Variants in XKR9 observed in about 807,000 individuals in gnomAD.
XKR9 encodes the protein XK-related protein 9.
In XKR9, 32 loss-of-function variants were observed where a neutral mutation model predicts 32.0. That is an observed-to-expected ratio of 1.00 (90% CI 0.76 to 1.34). XKR9 has a LOEUF of 1.34. XKR9 is among the 40% of genes most tolerant of loss of function. The probability of loss-of-function intolerance (pLI) is 0.00; values close to 1 mark genes in which losing one functional copy is unlikely to be tolerated. For synonymous variants in XKR9, 168 were observed against 143.4 expected, an observed-to-expected ratio of 1.17 and a Z score of -1.22; for missense variants, 546 against 429.7, an observed-to-expected ratio of 1.27 and a Z score of -2.39.
At chr8:70,954,730 A>G in the XKR9 span, among the ~76,000 whole-genome samples, 13 of 152,188 alleles carry the variant, frequency 8.5e-5, no homozygotes, top group Non-Finnish European at 2.9e-5. Flanking sequence ...TTATATTCAC[A>G]TGCCAAATCC....
At chr8:70,877,965 G>A in the XKR9 span, among the ~76,000 whole-genome samples, 1 of 152,200 alleles carries the variant, frequency 6.6e-6, no homozygotes, top group South Asian at 2.1e-4. Context: ...GGATCTCTCA[G>A]AAGAAACCCT....
chr8:70,806,919 C>A, the XKR9 span, among the ~76,000 whole-genome samples: 2 of 151,976 alleles, frequency 1.3e-5, no homozygotes, highest in African/African-American at 4.8e-5. Flanking sequence ...ACAGAGAACA[C>A]CACTAAAATA....
the XKR9 span, among the ~76,000 whole-genome samples, chr8:70,882,924 G>A: frequency 2.0e-5 from 3 of 149,100 alleles, no homozygotes; most frequent in Non-Finnish European, 2.9e-5. Flanking sequence ...CTAGTTAGCT[G>A]TCTTATTCTC....
At chr8:71,062,057 G>A in the XKR9 span, among the ~76,000 whole-genome samples, 597 of 152,298 alleles carry the variant, frequency 3.9e-3, 5 homozygotes, top group Middle Eastern at 0.048. Flanking sequence ...GAATCCAACC[G>A]GAACCAGTCC....
At chr8:71,045,763 C>T in the XKR9 span, among the ~76,000 whole-genome samples, 2 of 152,194 alleles carry the variant, frequency 1.3e-5, no homozygotes, top group Admixed American at 6.5e-5. Context: ...ACGCTTGAGA[C>T]TGTGACAATT....
chr8:70,887,739 G>A, the XKR9 span, among the ~76,000 whole-genome samples: 2 of 151,982 alleles, frequency 1.3e-5, no homozygotes, highest in African/African-American at 4.8e-5. Flanking sequence ...TGTTTTTGGT[G>A]TATAGAAATG....
At chr8:70,794,416 C>A (rs1056670007), downstream of XKR9, among the ~76,000 whole-genome samples, 2 of 152,048 alleles carry the variant, frequency 1.3e-5, no homozygotes, top group African/African-American at 4.8e-5. Context: ...GAATTAGCAT[C>A]CTTCTCTTAC....
downstream of XKR9, among the ~76,000 whole-genome samples, chr8:70,738,766 G>C (rs1346813818): frequency 6.6e-6 from 1 of 152,194 alleles, no homozygotes; most frequent in Non-Finnish European, 1.5e-5. Flanking sequence ...CAGTTTCCGT[G>C]TAGTTGAGTG....
chr8:70,763,309 A>G (rs1022896978), intron 2 of XKR9, among the ~76,000 whole-genome samples: 2 of 152,166 alleles, frequency 1.3e-5, no homozygotes, highest in Non-Finnish European at 2.9e-5. Context: ...TTGCTTACTT[A>G]GTTCACATGT....
the XKR9 span, among the ~76,000 whole-genome samples, chr8:70,924,323 G>C: frequency 1.3e-5 from 2 of 152,058 alleles, no homozygotes; most frequent in Admixed American, 1.3e-4. Context: ...TGGCTGTTCC[G>C]AGCTCAGTCC....
the XKR9 span, among the ~76,000 whole-genome samples, chr8:70,811,745 A>C: frequency 6.6e-6 from 1 of 152,242 alleles, no homozygotes; most frequent in Admixed American, 6.5e-5. Context: ...AACCAGGAAG[A>C]AGTTGAATCT....
the XKR9 span, among the ~76,000 whole-genome samples, chr8:71,055,768 C>T: frequency 6.6e-6 from 1 of 152,048 alleles, no homozygotes; most frequent in East Asian, 1.9e-4. Context: ...AGTTTGGGGG[C>T]CCATCTTCAC....
chr8:70,932,081 C>A, the XKR9 span, among the ~76,000 whole-genome samples: 2 of 152,016 alleles, frequency 1.3e-5, no homozygotes, highest in Non-Finnish European at 2.9e-5. Flanking sequence ...TGAGGACTTC[C>A]TATGTGCAAA....
the XKR9 span, among the ~76,000 whole-genome samples, chr8:70,900,579 ACT>A: frequency 6.6e-6 from 1 of 151,978 alleles, no homozygotes; most frequent in East Asian, 1.9e-4. Context: ...AAAGAGTGAG[ACT>A]CTGTCTAAAA....
At chr8:71,024,437 T>C in the XKR9 span, among the ~76,000 whole-genome samples, 3 of 152,074 alleles carry the variant, frequency 2.0e-5, no homozygotes, top group Admixed American at 6.5e-5. Context: ...GGGGATGTCA[T>C]TGGGGCTTCA....
the XKR9 span, among the ~76,000 whole-genome samples, chr8:70,805,003 T>C: frequency 1.4e-3 from 217 of 152,292 alleles, 2 homozygotes; most frequent in African/African-American, 5.1e-3. Flanking sequence ...GATCGCAGAC[T>C]AGAAACAGTG....
the XKR9 span, among the ~76,000 whole-genome samples, chr8:70,910,965 G>A: frequency 6.6e-6 from 1 of 152,188 alleles, no homozygotes; most frequent in Admixed American, 6.5e-5. Context: ...CAGCACCTAG[G>A]GTCTGCTTAC....
At chr8:70,829,160 T>C in the XKR9 span, among the ~76,000 whole-genome samples, 6 of 152,222 alleles carry the variant, frequency 3.9e-5, no homozygotes, top group Admixed American at 1.3e-4. Flanking sequence ...TGAACTCAAA[T>C]CCAAGCTTCT....
At chr8:70,893,193 G>C in the XKR9 span, among the ~76,000 whole-genome samples, 1 of 151,964 alleles carries the variant, frequency 6.6e-6, no homozygotes, top group South Asian at 2.1e-4. Flanking sequence ...TGGTTCTTTT[G>C]TAAAAAACGA....
Sources: allele counts gnomAD v4.1 joint callset (sites outside exome capture counted in the v4.1 genomes callset), GRCh38; gene constraint gnomAD v4.1.1; transcripts MANE v1.5; gene names NCBI Gene and HGNC (gene_info 2026-07-23, HGNC 2026-07-21).